The following SPRED2 variants were observed in gnomAD, a reference collection of about 807,000 sequenced individuals.
SPRED2 encodes sprouty related EVH1 domain containing 2, also known as sprouty-related, EVH1 domain-containing protein 2.
SPRED2 carries 47 observed loss-of-function variants against 43.0 expected under a neutral mutation model. The ratio of observed to expected loss-of-function variants is 1.09; its 90% CI spans 0.87 to 1.40. The LOEUF (loss-of-function observed/expected upper bound fraction) is 1.40. SPRED2 is among the 40% of genes most tolerant of loss of function. The pLI is 0.00. For synonymous variants in SPRED2, 225 were observed against 225.7 expected (o/e 1.00, Z 0.03); for missense variants, 561 against 586.4 (o/e 0.96, Z 0.45).
chr2:65,318,766 C>A (rs1040234183), intron 4 of SPRED2, among the ~76,000 whole-genome samples: 3 of 152,052 alleles, frequency 2.0e-5, no homozygotes, highest in Non-Finnish European at 4.4e-5. Flanking sequence ...CCTGCTTCAG[C>A]CTCCTGAGTA....
At chr2:65,376,079 C>T (rs567235788) in intron 1 of SPRED2, among the ~76,000 whole-genome samples, 1 of 152,312 alleles carries the variant, frequency 6.6e-6, no homozygotes, top group Non-Finnish European at 1.5e-5. Context: ...TGCTCTTGTG[C>T]TCCCTATCCT....
At chr2:65,355,482 C>T (rs940411373) in intron 1 of SPRED2, among the ~76,000 whole-genome samples, 2 of 151,944 alleles carry the variant, frequency 1.3e-5, no homozygotes, top group Non-Finnish European at 2.9e-5. Flanking sequence ...TTTGGGGGGA[C>T]GAGGCAGGTG....
At chr2:65,370,056 A>G (rs982221388) in intron 1 of SPRED2, among the ~76,000 whole-genome samples, 2 of 152,240 alleles carry the variant, frequency 1.3e-5, no homozygotes, top group African/African-American at 4.8e-5. Flanking sequence ...GAAAATGCGG[A>G]TATCAATGAT....
rs532190543 is a variant in SPRED2, at chr2:65,316,872, G to C, written c.450C>G (p.Asp150Glu). ...TCTTCTGAGAGGAATTAGAAGAACT[G>C]TCTGTAGCTGTCTGTGTAGAGGGAG... The part of the protein sequence containing the change: ...GDDDVFTTAT[D>E]SSSNSSQKRE... Residue 150 changes from aspartate to glutamate, a missense_variant, in exon 5 of 6, where the codon GAC becomes GAG. Physicochemically the swap from Asp to Glu is conservative, Grantham distance 45. Around this residue, in one of 6 missense-constraint regions of SPRED2, gnomAD observed 305 missense variants for 282.4 expected, o/e 1.08. Transcript: ENST00000356388. The C allele has an allele frequency of 2.4e-5, 38 of 1,613,724 alleles. No homozygotes were observed. The South Asian group carries it at 4.0e-4, about 17-fold the overall frequency.
At chr2:65,322,711 T>C (rs545866900) in intron 4 of SPRED2, among the ~76,000 whole-genome samples, 17 of 152,202 alleles carry the variant, frequency 1.1e-4, no homozygotes, top group Non-Finnish European at 2.5e-4. Flanking sequence ...CTGACTTTGA[T>C]AGAATTACTT....
intron 1 of SPRED2, among the ~76,000 whole-genome samples, chr2:65,393,924 TGG>T (rs1314326048): frequency 6.6e-6 from 1 of 152,116 alleles, no homozygotes; most frequent in African/African-American, 2.4e-5. Flanking sequence ...ACCTAATAGC[TGG>T]GGGGTCTTGA....
At chr2:65,336,390 AG>A (rs1425584287) in intron 2 of SPRED2, among the ~76,000 whole-genome samples, 1 of 151,892 alleles carries the variant, frequency 6.6e-6, no homozygotes, top group Non-Finnish European at 1.5e-5. Flanking sequence ...AAATAAATTA[AG>A]GGTTGTCTAA....
chr2:65,398,297 G>A (rs969347123), intron 1 of SPRED2, among the ~76,000 whole-genome samples: 7 of 152,168 alleles, frequency 4.6e-5, no homozygotes, highest in South Asian at 2.1e-4. Flanking sequence ...AGAAGATAAC[G>A]TTGGAAAAAC....
At chr2:65,338,980 C>T (rs1192612587) in intron 2 of SPRED2, among the ~76,000 whole-genome samples, 2 of 146,132 alleles carry the variant, frequency 1.4e-5, no homozygotes, top group African/African-American at 5.1e-5. Context: ...GGCGCCTCTG[C>T]CCGGCGGCCC....
intron 1 of SPRED2, among the ~76,000 whole-genome samples, chr2:65,395,129 CCT>C (rs982438426): frequency 3.3e-5 from 5 of 152,282 alleles, no homozygotes; most frequent in South Asian, 2.1e-4. Context: ...CTGCCTGACC[CCT>C]GTCATTCCAC....
At chr2:65,380,882 T>C (rs1034413301) in intron 1 of SPRED2, among the ~76,000 whole-genome samples, 11 of 152,250 alleles carry the variant, frequency 7.2e-5, no homozygotes, top group African/African-American at 2.7e-4. Flanking sequence ...TTACATGTTA[T>C]ATAGATTATG....
At chr2:65,411,078 T>A (rs1382127739) in intron 1 of SPRED2, among the ~76,000 whole-genome samples, 1 of 152,234 alleles carries the variant, frequency 6.6e-6, no homozygotes, top group Non-Finnish European at 1.5e-5. Flanking sequence ...TTTCAGGGTT[T>A]TCCATTTTTA....
At chr2:65,410,603 C>CA (rs1226177155) in intron 1 of SPRED2, among the ~76,000 whole-genome samples, 5 of 151,752 alleles carry the variant, frequency 3.3e-5, no homozygotes, top group Non-Finnish European at 7.4e-5. Flanking sequence ...ACTAAAAATA[C>CA]AAAAAATTAG....
At chr2:65,412,020 C>CA (rs1676172556) in intron 1 of SPRED2, among the ~76,000 whole-genome samples, 1 of 151,366 alleles carries the variant, frequency 6.6e-6, no homozygotes, top group Admixed American at 6.6e-5. Context: ...CCCAGCTACC[C>CA]AGGAGGCTGA....
In SPRED2 at chr2:65,311,724, G is replaced by T. The variant is rs992750297; in HGVS notation, c.*1777C>A. ...GAAAGCCTAAACCAGTTACTCCAAT[G>T]AATGAAGACGTCTACTAACTGACTC... is the stretch of plus-strand genomic sequence containing the variant. On this transcript the variant is annotated 3_prime_UTR_variant, in exon 6 of 6. Coordinates refer to ENST00000356388, the MANE Select transcript of SPRED2 (RefSeq NM_181784.3). 5.1e-5 allele frequency: 50 copies of T among 985,314 alleles called. No individual in the cohort carries two copies. The highest frequency in any genetic ancestry group is 6.0e-5 in the Non-Finnish European group (50 of 829,946). 61.0% of individuals were successfully genotyped at this position (985,314 alleles called of 1,614,324 possible).
intron 1 of SPRED2, among the ~76,000 whole-genome samples, chr2:65,354,881 C>T (rs1303360624): frequency 1.3e-5 from 2 of 152,148 alleles, no homozygotes; most frequent in Non-Finnish European, 2.9e-5. Context: ...ATGTCTAAGA[C>T]AGATTTTTAA....
At chr2:65,395,514 C>T (rs924614600) in intron 1 of SPRED2, among the ~76,000 whole-genome samples, 1 of 152,206 alleles carries the variant, frequency 6.6e-6, no homozygotes, top group African/African-American at 2.4e-5. Flanking sequence ...CTTTCTACCA[C>T]ACCCCGCATC....
chr2:65,432,098 G>T lies in SPRED2; in HGVS notation c.-111C>A, dbSNP rs550664146. 181 of 1,426,242 alleles carry T rather than the reference G, an allele frequency of 1.3e-4. No individual in the cohort carries two copies. The African/African-American group carries it at 2.0e-3, about 15-fold the overall frequency. 88.3% of individuals were successfully genotyped at this position (1,426,242 alleles called of 1,614,324 possible). ...TCCGGAGATCGCCTGATTTGGGGAG[G>T]GGGGGCGGCTAGAGATGAAGAGGGC... On this transcript the variant is annotated 5_prime_UTR_variant, in exon 1 of 6. Coordinates refer to ENST00000356388, the MANE Select transcript of SPRED2 (RefSeq NM_181784.3).
At chr2:65,383,375 C>T (rs902372434) in intron 1 of SPRED2, among the ~76,000 whole-genome samples, 1 of 152,200 alleles carries the variant, frequency 6.6e-6, no homozygotes, top group East Asian at 1.9e-4. Flanking sequence ...AGTGATGGTC[C>T]AATGAGGGGT....
Sources: gnomAD v4.1 joint callset for allele counts (sites outside exome capture counted in the v4.1 genomes callset) on GRCh38, gnomAD v4.1.1 for gene constraint, gnomAD v4.1.1 regional missense constraint, MANE v1.5 for transcripts, NCBI Gene and HGNC (gene_info 2026-07-23, HGNC 2026-07-21) for gene names.